Variants in SSH3 observed in about 807,000 individuals in gnomAD.
SSH3 encodes the protein slingshot protein phosphatase 3.
SSH3 carries 67 observed loss-of-function variants against 75.0 expected under a neutral mutation model. The observed-to-expected ratio is 0.89, with a 90% CI of 0.73 to 1.10. The LOEUF (loss-of-function observed/expected upper bound fraction) is 1.10, where lower values mean the gene tolerates loss of function less well. Ranked by LOEUF, SSH3 falls within the 50% of genes least tolerant of loss-of-function variation. The pLI is 0.00. For missense variants in SSH3, 824 were observed against 872.7 expected (o/e 0.94, Z 0.70); for synonymous variants, 318 against 349.2 (o/e 0.91, Z 1.00).
chr11:67,303,778 A>G (rs1476440507), intron 1 of SSH3, 87 bp downstream of exon 1: 1 of 1,343,546 alleles, frequency 7.4e-7, no homozygotes, highest in Admixed American at 3.2e-5. Context: ...CTCCTCTCGA[A>G]CGGGGACATG....
chr11:67,311,089 G>A (rs1286310288), intron 13 of SSH3, among the ~76,000 whole-genome samples: 3 of 152,230 alleles, frequency 2.0e-5, no homozygotes, highest in Non-Finnish European at 4.4e-5. Flanking sequence ...GAACATTTGG[G>A]AGAGGCTTCC....
Position 67,312,119 on chromosome 11 carries a change from G to A in SSH3, c.*232G>A. 1 of 611,152 alleles carries A rather than the reference G, an allele frequency of 1.6e-6. No homozygotes were observed. 37.9% of individuals were successfully genotyped at this position (611,152 alleles called of 1,614,324 possible). A position where few individuals can be genotyped will look rare whatever the true frequency, so the allele number is the denominator to read the frequency against. Reference sequence around the variant, plus strand: ...CATGTCTGCCTGTCCAAGGGCTCAAGACTTTCTAACTGGGATGTGGTAGAG... The same window carrying A: ...CATGTCTGCCTGTCCAAGGGCTCAAAACTTTCTAACTGGGATGTGGTAGAG... On this transcript the variant is annotated 3_prime_UTR_variant, in exon 14 of 14. Transcript: ENST00000308127.
chr11:67,308,272 A>T lies in SSH3; in HGVS notation c.984A>T (p.Arg328=). Residue 328 remains arginine (R), a synonymous_variant, in exon 9 of 14, where the codon CGA becomes CGT. Coordinates refer to ENST00000308127, the MANE Select transcript of SSH3 (RefSeq NM_017857.4). This position sits in a 1 kb window ranked among gnomAD's most constrained non-coding sequence, Gnocchi z 4.9. The stretch of plus-strand genomic sequence containing the variant: ...TGCTGCTGGTGGCACAGCGGGACCG[A>T]GCCTCCCGCATCTTCCCCCACCTCT... ...QMLLLVAQRD[R]ASRIFPHLYL... The T allele has an allele frequency of 6.2e-7, 1 of 1,614,086 alleles. No homozygotes were observed.
chr11:67,307,465 C>T lies in SSH3; in HGVS notation c.602+29C>T, dbSNP rs770681150. Reference sequence around the variant, plus strand: ...AGGACAGAGACTGCCTGGACTCAGGCCAGCCTCTCCTTCGAAGGAGGCTGC... The same window carrying T: ...AGGACAGAGACTGCCTGGACTCAGGTCAGCCTCTCCTTCGAAGGAGGCTGC... On this transcript the variant is annotated intron_variant, in intron 6 of 13. Transcript: ENST00000308127. The surrounding 1 kb of genome is among the most constrained non-coding windows in gnomAD (Gnocchi z 4.2). 6.2e-7 allele frequency: 1 copy of T among 1,613,804 alleles called. No individual in the cohort carries two copies. Among genetic ancestry groups the T allele is most frequent in the Non-Finnish European group, 8.5e-7 (1 of 1,179,950 alleles).
chr11:67,303,941 G>C (rs989166298), intron 1 of SSH3, 177 bp from the exon 2 acceptor site: 7 of 906,622 alleles, frequency 7.7e-6, no homozygotes, highest in Non-Finnish European at 1.1e-5. Flanking sequence ...CGCCCACCCA[G>C]CCGACCTGGC....
At position 67,306,936 on chromosome 11, in the gene SSH3, C is replaced by T. The variant is rs1186777340; in HGVS notation, c.438C>T (p.Leu146=). Residue 146 remains leucine (L), a synonymous_variant, in exon 4 of 14, where the codon CTC becomes CTT. Coordinates refer to ENST00000308127, the MANE Select transcript of SSH3 (RefSeq NM_017857.4). ...GTCTGAGCCAGGATGAGACGGTCCTCCTGGGCGTGGATTTCCCTGACAGCA... is the reference window on the plus strand; with the variant it reads ...GTCTGAGCCAGGATGAGACGGTCCTTCTGGGCGTGGATTTCCCTGACAGCA... ...GEGLSQDETV[L]LGVDFPDSSS... is the part of the protein sequence containing the mutation. 6.2e-7 allele frequency: 1 copy of T among 1,613,144 alleles called. No homozygotes were observed. The highest frequency in any genetic ancestry group is 2.2e-5 in the East Asian group (1 of 44,852).
Position 67,310,321 on chromosome 11 carries a change from G to A in SSH3, c.1665G>A (p.Glu555=), listed in dbSNP as rs376964245. The change falls in exon 13 of 14, where the codon GAG becomes GAA. Residue 555 remains glutamate, a synonymous_variant. Transcript: ENST00000308127. ...CCTTGGAGCTGGAGAGCACCTCAGA[G>A]ACCAGTGACATGCCAGAGGTGAGGC... ...EPSLELESTS[E]TSDMPEVFSS... The A allele has an allele frequency of 7.2e-5, 116 of 1,610,550 alleles. No homozygotes were observed. Among genetic ancestry groups the A allele is most frequent in the Non-Finnish European group, 9.3e-5 (110 of 1,177,628 alleles).
Position 67,303,767 on chromosome 11 carries a change from G to A in SSH3, c.66+76G>A, listed in dbSNP as rs1590880679. On this transcript the variant is annotated intron_variant, in intron 1 of 13. Transcript: ENST00000308127. ...GGGAGCGCGTCCTGCCCGCCAGCGGGCTCCTCTCGAACGGGGACATGAGGA... is the reference window on the plus strand; with the variant it reads ...GGGAGCGCGTCCTGCCCGCCAGCGGACTCCTCTCGAACGGGGACATGAGGA... 29 of 1,382,468 alleles carry A rather than the reference G, an allele frequency of 2.1e-5. No homozygotes were observed. The East Asian group carries it at 8.6e-4, about 41-fold the overall frequency. The allele number at this position is 1,382,468 out of a possible 1,614,324, so 85.6% of individuals were successfully genotyped here. A position where few individuals can be genotyped will look rare whatever the true frequency, so the allele number is the denominator to read the frequency against.
rs1861320370 is a variant in SSH3 at position 67,308,602 on chromosome 11, C to A, written c.1061+144C>A. ...TTCTAACTCTGTCCTGGGGCTGTTGCCCTGGTGTGGGCTCCCAGGTGGGGA... is the reference window on the plus strand; with the variant it reads ...TTCTAACTCTGTCCTGGGGCTGTTGACCTGGTGTGGGCTCCCAGGTGGGGA... On this transcript the variant is annotated intron_variant, in intron 10 of 13. Coordinates refer to ENST00000308127, the MANE Select transcript of SSH3 (RefSeq NM_017857.4). This position sits in a 1 kb window ranked among gnomAD's most constrained non-coding sequence, Gnocchi z 4.9. 8.0e-7 allele frequency: 1 copy of A among 1,254,876 alleles called. No homozygotes were observed. The highest frequency in any genetic ancestry group is 1.1e-6 in the Non-Finnish European group (1 of 905,988). 77.7% of individuals were successfully genotyped at this position (1,254,876 alleles called of 1,614,324 possible).
rs766601407 is a variant in SSH3, at chr11:67,305,029, C to CG, written c.339+28dup. ...CCTGGTGAGGGCCCATGTGGAGCTC[C>CG]GGGGGGTGGGGGGAAGAGACACGCC... On this transcript the variant is annotated intron_variant, in intron 3 of 13. Transcript: ENST00000308127. 1.7e-5 allele frequency: 27 copies of CG among 1,570,530 alleles called. No individual in the cohort carries two copies. In the East Asian group the frequency reaches 5.1e-4, roughly 30 times the overall value.
rs1313285197 is a variant in SSH3, at chr11:67,311,774, G to A, written c.1867G>A (p.Glu623Lys). The change falls in exon 14 of 14, where the codon GAG (glutamate) becomes AAG (lysine). Residue 623 changes from glutamate (E) to lysine (K), a missense_variant. Glu to Lys is a moderately conservative substitution (Grantham distance 56, BLOSUM62 1). Coordinates refer to ENST00000308127, the MANE Select transcript of SSH3 (RefSeq NM_017857.4). ...CCGGACCCAGGCCTTCCAGGAGCAG[G>A]AGCAGGGGCAGGGGCAGGGGCAGGG... ...ANRTQAFQEQ[E>K]QGQGQGQGEP... 1 of 1,613,588 alleles carries A rather than the reference G, an allele frequency of 6.2e-7. No individual in the cohort carries two copies. The highest frequency in any genetic ancestry group is 8.5e-7 in the Non-Finnish European group (1 of 1,179,908).
intron 13 of SSH3, 35 bp downstream of exon 13, chr11:67,310,374 G>A (rs1327818487): frequency 3.8e-6 from 6 of 1,572,392 alleles, no homozygotes; most frequent in Non-Finnish European, 5.2e-6. Context: ...AGCTTGCAGG[G>A]GTGGGGGCCA....
In SSH3 at chr11:67,311,888, G is replaced by A. The variant is rs774245301; in HGVS notation, c.*1G>A. 5.3e-5 allele frequency: 86 copies of A among 1,608,600 alleles called. No individual in the cohort carries two copies. The highest frequency in any genetic ancestry group is 7.2e-5 in the Non-Finnish European group (85 of 1,179,010). On this transcript the variant is annotated 3_prime_UTR_variant, in exon 14 of 14. Transcript: ENST00000308127. ...CAGTGGAGAGGAGGGCGAGGCCTGA[G>A]CCCTCACACATGCCCACGCTCCCCT...
At position 67,304,785 on chromosome 11, in the gene SSH3, G is replaced by A. The variant is rs1479564134; in HGVS notation, c.117G>A (p.Ala39=). ...RSRLQRRQSF[A]VLRGAVLGLQ... Reference sequence around the variant, plus strand: ...ACTGCCCTGCCAGGCAGAGCTTTGCGGTGCTCCGTGGGGCTGTCCTGGGAC... The same window carrying A: ...ACTGCCCTGCCAGGCAGAGCTTTGCAGTGCTCCGTGGGGCTGTCCTGGGAC... Residue 39 remains alanine (A), a synonymous_variant, in exon 3 of 14, where the codon GCG becomes GCA. Transcript: ENST00000308127. 20 of 1,605,260 alleles carry A rather than the reference G, an allele frequency of 1.2e-5. No individual in the cohort carries two copies. Among genetic ancestry groups the A allele is most frequent in the South Asian group, 5.6e-5 (5 of 89,712 alleles).
At position 67,307,276 on chromosome 11, in the gene SSH3, G is replaced by A. The variant is rs1861273284; in HGVS notation, c.537-95G>A. 3 of 1,575,908 alleles carry A rather than the reference G, an allele frequency of 1.9e-6. No homozygotes were observed. The South Asian group carries it at 3.4e-5, about 18-fold the overall frequency. ...CACCGTGATCCTGAGCAAGGCACCTGACTCCTGGGTCTCGGCTTCCCGTAT... is the reference window on the plus strand; with the variant it reads ...CACCGTGATCCTGAGCAAGGCACCTAACTCCTGGGTCTCGGCTTCCCGTAT... On this transcript the variant is annotated intron_variant, in intron 5 of 13. Coordinates refer to ENST00000308127, the MANE Select transcript of SSH3 (RefSeq NM_017857.4). This position sits in a 1 kb window ranked among gnomAD's most constrained non-coding sequence, Gnocchi z 4.2.
chr11:67,307,987 G>A lies in SSH3; in HGVS notation c.885+48G>A. 1 of 1,611,498 alleles carries A rather than the reference G, an allele frequency of 6.2e-7. No individual in the cohort carries two copies. ...GAGTCCCCTCTAGCAGGGGCTGCAAGCTTGCCTTTCCTGGGAGCCCTCCCC... is the reference window on the plus strand; with the variant it reads ...GAGTCCCCTCTAGCAGGGGCTGCAAACTTGCCTTTCCTGGGAGCCCTCCCC... On this transcript the variant is annotated intron_variant, in intron 8 of 13. Coordinates refer to ENST00000308127, the MANE Select transcript of SSH3 (RefSeq NM_017857.4). The surrounding 1 kb of genome is among the most constrained non-coding windows in gnomAD (Gnocchi z 4.2).
chr11:67,310,511 C>T (rs1202056767), intron 13 of SSH3, among the ~76,000 whole-genome samples, 172 bp downstream of exon 13: 1 of 152,204 alleles, frequency 6.6e-6, no homozygotes, highest in Non-Finnish European at 1.5e-5. Context: ...TGGTCCCAGC[C>T]TCCTTCACAG....
rs766356165 is a variant in SSH3, at chr11:67,311,767, G to A, written c.1860G>A (p.Gln620=). 3 of 1,613,832 alleles carry A rather than the reference G, an allele frequency of 1.9e-6. No individual in the cohort carries two copies. Among genetic ancestry groups the A allele is most frequent in the Non-Finnish European group, 2.5e-6 (3 of 1,179,912 alleles). The part of the protein sequence containing the change: ...AVVANRTQAF[Q]EQEQGQGQGQ... Reference sequence around the variant, plus strand: ...TGGCCAACCGGACCCAGGCCTTCCAGGAGCAGGAGCAGGGGCAGGGGCAGG... The same window carrying A: ...TGGCCAACCGGACCCAGGCCTTCCAAGAGCAGGAGCAGGGGCAGGGGCAGG... Residue 620 remains glutamine (Q), a synonymous_variant, in exon 14 of 14, where the codon CAG becomes CAA. Transcript: ENST00000308127.
At chr11:67,309,737 G>A (rs1325030578) in intron 11 of SSH3, 31 bp from the exon 12 acceptor site, 3 of 1,609,574 alleles carry the variant, frequency 1.9e-6, no homozygotes, top group Admixed American at 3.3e-5. Context: ...CATGGTGAGG[G>A]GAGGGTGCTG....
Sources: allele counts gnomAD v4.1 joint callset (sites outside exome capture counted in the v4.1 genomes callset), GRCh38; gene constraint gnomAD v4.1.1; non-coding constraint Gnocchi (gnomAD v3.1); transcripts MANE v1.5; gene names NCBI Gene and HGNC (gene_info 2026-07-23, HGNC 2026-07-21).